Variants in CENPK observed in about 807,000 individuals in gnomAD.
CENPK encodes the protein centromere protein K, also known as SoxLZ/Sox6-binding protein Solt.
CENPK carries 46 observed loss-of-function variants against 40.9 expected under a neutral mutation model. The ratio of observed to expected loss-of-function variants is 1.13; its 90% CI spans 0.89 to 1.44. The LOEUF (loss-of-function observed/expected upper bound fraction) is 1.44. Ranked by LOEUF, CENPK falls within the 40% of genes most tolerant of loss-of-function variation. The pLI is 0.00. For synonymous variants in CENPK, 107 were observed against 104.4 expected, an observed-to-expected ratio of 1.02 and a Z score of -0.15; for missense variants, 288 against 303.5, an observed-to-expected ratio of 0.95 and a Z score of 0.38.
rs1751174046 is a variant in CENPK at position 65,557,457 on chromosome 5, G to C, written c.-39-2511C>G. ...ATAAAAGGCAATATAGCTAACTTCT[G>C]GCTTTCTGTGTCTTGGAACACTCAC... On this transcript the variant is annotated intron_variant, in intron 2 of 10. Transcript: ENST00000396679. Among the ~76,000 whole-genome samples, 4 of 152,184 alleles carry C rather than the reference G, an allele frequency of 2.6e-5. No homozygotes were observed. The South Asian group carries it at 8.3e-4, about 31-fold the overall frequency.
At chr5:65,510,803 A>G in the CENPK span, among the ~76,000 whole-genome samples, 1 of 151,928 alleles carries the variant, frequency 6.6e-6, no homozygotes, top group African/African-American at 2.4e-5. Flanking sequence ...AGAAAGAAAA[A>G]TGGTTTACGC....
At chr5:65,544,637 C>T (rs571832952) in intron 5 of CENPK, among the ~76,000 whole-genome samples, 12 of 152,196 alleles carry the variant, frequency 7.9e-5, no homozygotes, top group Admixed American at 3.3e-4. Flanking sequence ...CCGAAGTTTC[C>T]GTTGACAGAT....
intron 8 of CENPK, 52 bp downstream of exon 8, chr5:65,528,867 A>G: frequency 8.4e-7 from 1 of 1,186,272 alleles, no homozygotes; most frequent in South Asian, 1.4e-5. Flanking sequence ...CATGTAACAC[A>G]AAAAATAAAA....
chr5:65,497,462 A>C, the CENPK span, among the ~76,000 whole-genome samples: 1 of 152,216 alleles, frequency 6.6e-6, no homozygotes, highest in Non-Finnish European at 1.5e-5. Context: ...ACAACATGGC[A>C]GTTGACCTCA....
chr5:65,499,048 TG>T, the CENPK span, among the ~76,000 whole-genome samples: 1 of 151,680 alleles, frequency 6.6e-6, no homozygotes, highest in African/African-American at 2.4e-5. Context: ...AAATAGAGAA[TG>T]AGGCCTCCCT....
intron 9 of CENPK, among the ~76,000 whole-genome samples, chr5:65,527,498 CATATATATATATATATATATATAT>C (rs70983674): frequency 0.072 from 6,636 of 91,618 alleles, 299 homozygotes; most frequent in East Asian, 0.16. Flanking sequence ...TTATTAACAC[CATATATATATATATATATATATAT>C]ATATATATAT....
downstream of CENPK, among the ~76,000 whole-genome samples, chr5:65,515,345 G>C (rs1742788374): frequency 6.6e-6 from 1 of 151,806 alleles, no homozygotes; most frequent in Non-Finnish European, 1.5e-5. Context: ...TGGGACTACA[G>C]GTGCCTGCCA....
chr5:65,542,658 T>C lies in CENPK; in HGVS notation c.288+144A>G, dbSNP rs1748180657. The stretch of plus-strand genomic sequence containing the variant: ...TTTCCAAAAAAAAAAAATCAAATAT[T>C]ATGTTCAATAAAACATAAATAAAAG... On this transcript the variant is annotated intron_variant, in intron 6 of 10. Coordinates refer to ENST00000396679, the MANE Select transcript of CENPK (RefSeq NM_022145.5). 9 of 587,798 alleles carry C rather than the reference T, an allele frequency of 1.5e-5. No individual in the cohort carries two copies. The South Asian group carries it at 2.8e-4, about 18-fold the overall frequency. 36.4% of individuals were successfully genotyped at this position (587,798 alleles called of 1,614,324 possible). A position where few individuals can be genotyped will look rare whatever the true frequency, so the allele number is the denominator to read the frequency against.
At position 65,542,831 on chromosome 5, in the gene CENPK, C is replaced by T; in HGVS notation, c.259G>A (p.Asp87Asn). 6.2e-7 allele frequency: 1 copy of T among 1,610,554 alleles called. No homozygotes were observed. The highest frequency in any genetic ancestry group is 8.5e-7 in the Non-Finnish European group (1 of 1,178,538). ...TCTTTTCCTAATGTTATGAGAACGT[C>T]TTCAGTCAAGGGAATTGCTACAAAA... Reference protein sequence around the residue: ...KTPETIPLTEDVLITLGKEEF... With the variant: ...KTPETIPLTENVLITLGKEEF... The change falls in exon 6 of 11, where the codon GAC becomes AAC. Residue 87 changes from aspartate to asparagine, a missense_variant. Physicochemically the swap from Asp to Asn is conservative, Grantham distance 23. Transcript: ENST00000396679.
At chr5:65,500,717 C>T in the CENPK span, among the ~76,000 whole-genome samples, 4 of 152,252 alleles carry the variant, frequency 2.6e-5, no homozygotes, top group East Asian at 7.7e-4. Flanking sequence ...GGCTAGAGAG[C>T]AGTGGCGCAA....
chr5:65,542,805 T>C lies in CENPK; in HGVS notation c.285A>G (p.Glu95=), dbSNP rs1228585329. 3.1e-6 allele frequency: 5 copies of C among 1,608,528 alleles called. No individual in the cohort carries two copies. Among genetic ancestry groups the C allele is most frequent in the Non-Finnish European group, 3.4e-6 (4 of 1,177,622 alleles). Residue 95 remains glutamate, a synonymous_variant, in exon 6 of 11, where the codon GAA becomes GAG. Coordinates refer to ENST00000396679, the MANE Select transcript of CENPK (RefSeq NM_022145.5). ...TEDVLITLGK[E]EFQKLRQDLE... is the part of the protein sequence containing the mutation. The stretch of plus-strand genomic sequence containing the variant: ...ACAAATTCATTGAGTGGCTTACCTC[T>C]TCTTTTCCTAATGTTATGAGAACGT...
chr5:65,559,960 T>C (rs1367960195), intron 2 of CENPK, among the ~76,000 whole-genome samples: 1 of 151,964 alleles, frequency 6.6e-6, no homozygotes, highest in Non-Finnish European at 1.5e-5. Flanking sequence ...TTTTTTAACA[T>C]TTATAGTATT....
At chr5:65,543,910 A>G (rs1033664890) in intron 5 of CENPK, among the ~76,000 whole-genome samples, 3 of 152,250 alleles carry the variant, frequency 2.0e-5, no homozygotes, top group African/African-American at 7.2e-5. Flanking sequence ...AAACTCTTCT[A>G]AAATTTTTGC....
the CENPK span, among the ~76,000 whole-genome samples, chr5:65,503,386 G>A: frequency 1.3e-5 from 2 of 152,124 alleles, no homozygotes; most frequent in Admixed American, 6.5e-5. Context: ...TTCTGCAGGC[G>A]TGAGCCATTA....
At position 65,551,772 on chromosome 5, in the gene CENPK, CTTTAT is replaced by C. The variant is rs535693690; in HGVS notation, c.169-141_169-137del. The C allele has an allele frequency of 1.7e-4, 75 of 443,648 alleles. 1 individual carries two copies. The highest frequency in any genetic ancestry group is 1.2e-3 in the East Asian group (35 of 28,092). 27.5% of individuals were successfully genotyped at this position (443,648 alleles called of 1,614,324 possible). On this transcript the variant is annotated intron_variant, in intron 4 of 10. Coordinates refer to ENST00000396679, the MANE Select transcript of CENPK (RefSeq NM_022145.5). ...AACTCTCACGCTGCTCCAGAGGCAA[CTTTAT>C]TTTAATTCTTAATCTGTTTCACTGA...
the CENPK span, among the ~76,000 whole-genome samples, chr5:65,510,523 C>G: frequency 6.6e-6 from 1 of 151,988 alleles, no homozygotes; most frequent in East Asian, 1.9e-4. Flanking sequence ...GCCTGTAATC[C>G]CAGCACTTTG....
chr5:65,536,467 A>G (rs1746908377), intron 6 of CENPK, among the ~76,000 whole-genome samples: 1 of 152,126 alleles, frequency 6.6e-6, no homozygotes, highest in South Asian at 2.1e-4. Context: ...CCAAAAATAA[A>G]AAATAAAAAA....
intron 9 of CENPK, among the ~76,000 whole-genome samples, chr5:65,525,590 G>C (rs1385018221): frequency 6.6e-6 from 1 of 152,082 alleles, no homozygotes; most frequent in African/African-American, 2.4e-5. Flanking sequence ...ATACATCTTT[G>C]AGTTATAAAG....
At position 65,551,582 on chromosome 5, in the gene CENPK, G is replaced by T; in HGVS notation, c.223C>A (p.Gln75Lys). Residue 75 changes from glutamine to lysine, a missense_variant, in exon 5 of 11, where the codon CAG becomes AAG. By Grantham distance (53) the Gln-to-Lys change is moderately conservative (BLOSUM62 1). Transcript: ENST00000396679. ...KCLTAELSQWQKKTPETIPLT... is the reference protein window; with the variant it reads ...KCLTAELSQWKKKTPETIPLT... ...ATCTTACTTTCAGGTGTTTTTTTCT[G>T]CCATTGACTGAGTTCAGCGGTTAAA... 2 of 1,562,822 alleles carry T rather than the reference G, an allele frequency of 1.3e-6. No homozygotes were observed. The highest frequency in any genetic ancestry group is 1.4e-5 in the African/African-American group (1 of 72,478).
Sources: allele counts gnomAD v4.1 joint callset (sites outside exome capture counted in the v4.1 genomes callset), GRCh38; gene constraint gnomAD v4.1.1; transcripts MANE v1.5; gene names NCBI Gene and HGNC (gene_info 2026-07-23, HGNC 2026-07-21).